GABRB1: variants seen among roughly 807,000 people sequenced by gnomAD.
GABRB1 encodes the protein gamma-aminobutyric acid type A receptor subunit beta1.
GABRB1 carries 17 observed loss-of-function variants against 51.6 expected under a neutral mutation model. The observed-to-expected ratio is 0.33, with a 90% CI of 0.23 to 0.49. The LOEUF (loss-of-function observed/expected upper bound fraction) is 0.49, where lower values mean the gene tolerates loss of function less well. Ranked by LOEUF, GABRB1 falls within the 20% of genes least tolerant of loss-of-function variation. The probability of loss-of-function intolerance (pLI) is 0.99; values close to 1 mark genes in which losing one functional copy is unlikely to be tolerated. For missense variants in GABRB1, 410 were observed against 600.6 expected, an observed-to-expected ratio of 0.68 and a Z score of 3.32; for synonymous variants, 247 against 218.9, an observed-to-expected ratio of 1.13 and a Z score of -1.14.
chr4:47,028,663 T>G (rs1446305786), upstream of GABRB1, among the ~76,000 whole-genome samples: 2 of 151,376 alleles, frequency 1.3e-5, no homozygotes, highest in African/African-American at 4.8e-5. Flanking sequence ...TAAAATATTG[T>G]AGATTCATTT....
intron 5 of GABRB1, among the ~76,000 whole-genome samples, chr4:47,375,096 TA>T (rs1166511022): frequency 6.6e-6 from 1 of 152,248 alleles, no homozygotes; most frequent in African/African-American, 2.4e-5. Flanking sequence ...CTCTTGAACC[TA>T]GGGGCATTAT....
At chr4:47,302,798 GATTA>G (rs1724311143) in intron 4 of GABRB1, among the ~76,000 whole-genome samples, 1 of 151,884 alleles carries the variant, frequency 6.6e-6, no homozygotes, top group Non-Finnish European at 1.5e-5. Context: ...CTTTCATTCA[GATTA>G]ATTAATTACT....
At chr4:47,046,938 C>T (rs544030637) in intron 3 of GABRB1, among the ~76,000 whole-genome samples, 13 of 152,100 alleles carry the variant, frequency 8.5e-5, no homozygotes, top group Middle Eastern at 3.4e-3. Flanking sequence ...GCCAGCTAAA[C>T]GATGAAATAC....
At chr4:47,070,952 G>A (rs985230923) in intron 3 of GABRB1, among the ~76,000 whole-genome samples, 10 of 152,144 alleles carry the variant, frequency 6.6e-5, no homozygotes, top group Non-Finnish European at 1.3e-4. Flanking sequence ...TGTCTAATAC[G>A]CATCTCAAAT....
intron 4 of GABRB1, among the ~76,000 whole-genome samples, chr4:47,249,731 A>T (rs1481719325): frequency 6.6e-6 from 1 of 152,078 alleles, no homozygotes; most frequent in African/African-American, 2.4e-5. Flanking sequence ...GTTTTGTCTG[A>T]TACAAGAATA....
intron 4 of GABRB1, among the ~76,000 whole-genome samples, chr4:47,283,171 G>A (rs1723355117): frequency 6.6e-6 from 1 of 152,072 alleles, no homozygotes; most frequent in Non-Finnish European, 1.5e-5. Flanking sequence ...AGATGTGAGA[G>A]ATGGCATAGA....
At chr4:47,312,467 A>G (rs1015609614) in intron 4 of GABRB1, among the ~76,000 whole-genome samples, 5 of 152,152 alleles carry the variant, frequency 3.3e-5, no homozygotes, top group Admixed American at 6.5e-5. Flanking sequence ...TAACCCATCC[A>G]TCTTCTCTCA....
At chr4:47,305,131 A>T (rs1724399963) in intron 4 of GABRB1, among the ~76,000 whole-genome samples, 1 of 152,092 alleles carries the variant, frequency 6.6e-6, no homozygotes, top group Non-Finnish European at 1.5e-5. Context: ...TTATGCTTAG[A>T]CTATTCGATG....
chr4:47,239,035 G>T (rs1721428424), intron 4 of GABRB1, among the ~76,000 whole-genome samples: 1 of 151,996 alleles, frequency 6.6e-6, no homozygotes. Context: ...TTTATTTTGT[G>T]TTTTTTGTTT....
chr4:47,424,429 A>T (rs928023324), intron 8 of GABRB1, among the ~76,000 whole-genome samples: 1 of 152,230 alleles, frequency 6.6e-6, no homozygotes, highest in Non-Finnish European at 1.5e-5. Context: ...AATAAATCTT[A>T]GTTCTTTAAA....
chr4:47,402,372 T>G (rs900720208), intron 5 of GABRB1, among the ~76,000 whole-genome samples: 1 of 152,252 alleles, frequency 6.6e-6, no homozygotes, highest in Non-Finnish European at 1.5e-5. Context: ...TTTTTGCTTT[T>G]TTATTTGAGG....
chr4:47,252,003 G>A (rs2109864692), intron 4 of GABRB1, among the ~76,000 whole-genome samples: 1 of 152,204 alleles, frequency 6.6e-6, no homozygotes, highest in Non-Finnish European at 1.5e-5. Context: ...AGTTCTGGCT[G>A]GGAGGCTTCT....
chr4:47,002,200 A>AC (rs1724252796), intron 1 of GABRB1, among the ~76,000 whole-genome samples: 1 of 152,228 alleles, frequency 6.6e-6, no homozygotes, highest in African/African-American at 2.4e-5. Flanking sequence ...TGTAAAACAC[A>AC]TTTTAAAACT....
intron 3 of GABRB1, among the ~76,000 whole-genome samples, chr4:47,096,470 G>T (rs1469060384): frequency 6.6e-6 from 1 of 152,142 alleles, no homozygotes; most frequent in Non-Finnish European, 1.5e-5. Flanking sequence ...GCAGTAAACT[G>T]GTTCGGTAGG....
At chr4:47,261,119 A>G (rs964662546) in intron 4 of GABRB1, among the ~76,000 whole-genome samples, 8 of 152,214 alleles carry the variant, frequency 5.3e-5, no homozygotes, top group African/African-American at 1.9e-4. Flanking sequence ...AACTGGACGC[A>G]TTCCCTTTGA....
At chr4:47,026,885 GT>G (rs1196295357), upstream of GABRB1, among the ~76,000 whole-genome samples, 1 of 151,982 alleles carries the variant, frequency 6.6e-6, no homozygotes, top group Non-Finnish European at 1.5e-5. Context: ...AGAAAAGAAT[GT>G]AAACTGTCAT....
chr4:47,042,413 A>AT (rs1560507979), intron 3 of GABRB1, among the ~76,000 whole-genome samples: 86 of 43,338 alleles, frequency 2.0e-3, no homozygotes, highest in South Asian at 5.3e-3. Flanking sequence ...GTATGTGTAC[A>AT]GTATATATAT....
chr4:47,092,379 G>C (rs1728346968), intron 3 of GABRB1, among the ~76,000 whole-genome samples: 1 of 150,678 alleles, frequency 6.6e-6, no homozygotes, highest in Non-Finnish European at 1.5e-5. Context: ...CACCACATTG[G>C]CCAGGCTCGT....
At chr4:47,218,193 C>T (rs2109819787) in intron 4 of GABRB1, among the ~76,000 whole-genome samples, 1 of 151,858 alleles carries the variant, frequency 6.6e-6, no homozygotes, top group Non-Finnish European at 1.5e-5. Context: ...CCAAATAGTA[C>T]TCCATTGTGT....
Sources: gnomAD v4.1 joint callset for allele counts (sites outside exome capture counted in the v4.1 genomes callset) on GRCh38, gnomAD v4.1.1 for gene constraint, MANE v1.5 for transcripts, NCBI Gene and HGNC (gene_info 2026-07-23, HGNC 2026-07-21) for gene names.